NECAB1: variants seen among roughly 807,000 people sequenced by gnomAD.
NECAB1 encodes the protein N-terminal EF-hand calcium binding protein 1.
In NECAB1, 29 loss-of-function variants were observed where a neutral mutation model predicts 57.5. The observed-to-expected ratio is 0.50, with a 90% CI of 0.38 to 0.69. The LOEUF is 0.69. NECAB1 is among the 30% of genes least tolerant of loss of function. The pLI, the probability that NECAB1 is intolerant of heterozygous loss-of-function variation, is 0.00. For missense variants in NECAB1, 372 were observed against 413.8 expected, an observed-to-expected ratio of 0.90 and a Z score of 0.88; for synonymous variants, 142 against 147.7, an observed-to-expected ratio of 0.96 and a Z score of 0.28.
intron 3 of NECAB1, among the ~76,000 whole-genome samples, chr8:90,871,206 G>C (rs1189448845): frequency 2.0e-5 from 3 of 152,096 alleles, no homozygotes; most frequent in African/African-American, 7.2e-5. Context: ...CTCTTTAATA[G>C]CCTTCAGCAT....
rs189143760 is a variant in NECAB1, at chr8:90,877,596, G to T, written c.260-3437G>T. Among the ~76,000 whole-genome samples the T allele has an allele frequency of 8.3e-4, 127 of 152,266 alleles. 1 individual carries two copies. The highest frequency in any genetic ancestry group is 1.3e-4 in the Non-Finnish European group (9 of 68,020). The stretch of plus-strand genomic sequence containing the variant: ...TAAAATGCAGAATGTGATTCAACAG[G>T]ACTGGAAGTGGGCCTGAGACACTGA... On this transcript the variant is annotated intron_variant, in intron 4 of 12. Transcript: ENST00000417640.
At chr8:90,918,014 A>ATG (rs1810018190) in intron 6 of NECAB1, among the ~76,000 whole-genome samples, 2 of 141,424 alleles carry the variant, frequency 1.4e-5, no homozygotes, top group Non-Finnish European at 3.0e-5. Context: ...ATATATATAT[A>ATG]TTTCTTTTTT....
intron 5 of NECAB1, among the ~76,000 whole-genome samples, chr8:90,913,100 T>C (rs1420776466): frequency 2.0e-5 from 3 of 152,228 alleles, no homozygotes; most frequent in Non-Finnish European, 4.4e-5. Context: ...TTAACTCAGA[T>C]GATTCTATCA....
At chr8:90,894,775 G>T (rs775471280) in intron 5 of NECAB1, among the ~76,000 whole-genome samples, 3 of 152,204 alleles carry the variant, frequency 2.0e-5, no homozygotes, top group Non-Finnish European at 4.4e-5. Flanking sequence ...GTAGAGGGGA[G>T]AATTCAACAG....
intron 5 of NECAB1, among the ~76,000 whole-genome samples, chr8:90,883,246 T>C (rs1219462328): frequency 6.6e-6 from 1 of 151,952 alleles, no homozygotes; most frequent in Non-Finnish European, 1.5e-5. Context: ...CTGATTTAAA[T>C]TAAAAAGGAA....
chr8:90,874,865 A>G (rs1808685730), intron 4 of NECAB1, among the ~76,000 whole-genome samples: 1 of 152,190 alleles, frequency 6.6e-6, no homozygotes, highest in African/African-American at 2.4e-5. Flanking sequence ...AGGCTTCTCT[A>G]AGGTGCACAC....
chr8:90,922,576 T>G (rs1289349853), intron 6 of NECAB1, among the ~76,000 whole-genome samples: 1 of 135,900 alleles, frequency 7.4e-6, no homozygotes, highest in Non-Finnish European at 1.5e-5. Flanking sequence ...CACTGCAACC[T>G]CCGCCTCCCG....
At chr8:90,843,983 C>T (rs1239033074) in intron 3 of NECAB1, among the ~76,000 whole-genome samples, 1 of 152,180 alleles carries the variant, frequency 6.6e-6, no homozygotes, top group Non-Finnish European at 1.5e-5. Flanking sequence ...CTATTCTATA[C>T]TGCCTTTTTC....
At chr8:90,905,012 C>T (rs1483022223) in intron 5 of NECAB1, among the ~76,000 whole-genome samples, 2 of 152,068 alleles carry the variant, frequency 1.3e-5, no homozygotes, top group African/African-American at 4.8e-5. Flanking sequence ...AGAAGGATTT[C>T]TTAAACAAGA....
At position 90,909,312 on chromosome 8, in the gene NECAB1, A is replaced by G. The variant is rs6981679; in HGVS notation, c.358-8180A>G. Among the ~76,000 whole-genome samples the G allele has an allele frequency of 4.4e-3, 672 of 151,934 alleles. 4 individuals are homozygous for G. Among genetic ancestry groups the G allele is most frequent in the African/African-American group, 0.015 (617 of 41,456 alleles). ...TAGTCCAACTAATTCAGTTATATCT[A>G]TGGCTGCTTTCATGTGATCTCTTGT... On this transcript the variant is annotated intron_variant, in intron 5 of 12. Coordinates refer to ENST00000417640, the MANE Select transcript of NECAB1 (RefSeq NM_022351.5).
chr8:90,878,480 A>C (rs1432253579), intron 4 of NECAB1, among the ~76,000 whole-genome samples: 2 of 152,038 alleles, frequency 1.3e-5, no homozygotes, highest in Non-Finnish European at 2.9e-5. Flanking sequence ...CCTTGCCTTG[A>C]CTGCCTGACC....
intron 2 of NECAB1, among the ~76,000 whole-genome samples, chr8:90,811,418 G>C (rs1257958740): frequency 6.6e-6 from 1 of 152,266 alleles, no homozygotes; most frequent in East Asian, 1.9e-4. Context: ...AGGAGGAAGA[G>C]GTCTCTGGGA....
At chr8:90,824,930 T>G in intron 3 of NECAB1, 105 bp downstream of exon 3, 1 of 474,086 alleles carries the variant, frequency 2.1e-6, no homozygotes, top group Non-Finnish European at 3.7e-6. Context: ...AGGGTATATT[T>G]TGCCAAGTTT....
chr8:90,852,831 T>G (rs1237312089), intron 3 of NECAB1, among the ~76,000 whole-genome samples: 1 of 152,206 alleles, frequency 6.6e-6, no homozygotes, highest in Admixed American at 6.5e-5. Flanking sequence ...TCCCGTTCAT[T>G]TACCATCCTT....
At chr8:90,924,532 C>A (rs1233607584) in intron 6 of NECAB1, among the ~76,000 whole-genome samples, 1 of 152,140 alleles carries the variant, frequency 6.6e-6, no homozygotes, top group Admixed American at 6.5e-5. Context: ...ATTATATCTC[C>A]TATAAAGAAA....
intron 2 of NECAB1, among the ~76,000 whole-genome samples, chr8:90,808,380 T>C (rs1204579080): frequency 1.3e-5 from 2 of 152,206 alleles, no homozygotes; most frequent in South Asian, 2.1e-4. Context: ...CCCAGAGATA[T>C]GTAGCATAAG....
intron 5 of NECAB1, chr8:90,903,838 G>A (rs1809569838): frequency 1.3e-5 from 2 of 152,188 alleles, no homozygotes; most frequent in Admixed American, 1.3e-4. Flanking sequence ...GTAGGAAGTG[G>A]CTTTAATTCA....
chr8:90,840,500 C>A (rs1812436405), intron 3 of NECAB1, among the ~76,000 whole-genome samples: 1 of 152,228 alleles, frequency 6.6e-6, no homozygotes, highest in South Asian at 2.1e-4. Context: ...TGTTCACTGC[C>A]TTTGGAATCT....
At position 90,881,055 on chromosome 8, in the gene NECAB1, C is replaced by A; in HGVS notation, c.282C>A (p.Gly94=). The change falls in exon 5 of 13, where the codon GGC becomes GGA. Residue 94 remains glycine, a synonymous_variant. Coordinates refer to ENST00000417640, the MANE Select transcript of NECAB1 (RefSeq NM_022351.5). ...ELCEYFSQHL[G]EYENVLAALE... ...CAGAATATTTTTCTCAGCACTTGGG[C>A]GAGTATGAGAATGTACTAGCAGCAC... The A allele has an allele frequency of 6.2e-7, 1 of 1,603,012 alleles. No homozygotes were observed. Among genetic ancestry groups the A allele is most frequent in the South Asian group, 1.1e-5 (1 of 88,196 alleles).
Sources: gnomAD v4.1 joint callset for allele counts (sites outside exome capture counted in the v4.1 genomes callset) on GRCh38, gnomAD v4.1.1 for gene constraint, MANE v1.5 for transcripts, NCBI Gene and HGNC (gene_info 2026-07-23, HGNC 2026-07-21) for gene names.